FKBP6: variants seen among roughly 807,000 people sequenced by gnomAD.
FKBP6 encodes the protein FKBP prolyl isomerase family member 6 (inactive).
Under a neutral mutation model 41.7 loss-of-function variants are expected in FKBP6, and 29 were observed. The observed-to-expected ratio is 0.70, with a 90% CI of 0.52 to 0.95. FKBP6 has a LOEUF of 0.95. Ranked by LOEUF, FKBP6 falls within the 40% of genes least tolerant of loss-of-function variation. FKBP6 has a pLI of 0.00. For missense variants in FKBP6, 338 were observed against 408.7 expected (o/e 0.83, Z 1.49); for synonymous variants, 130 against 165.1 (o/e 0.79, Z 1.63).
At chr7:73,347,526 A>G (rs1025805913) in intron 8 of FKBP6, among the ~76,000 whole-genome samples, 3 of 152,244 alleles carry the variant, frequency 2.0e-5, no homozygotes, top group Non-Finnish European at 4.4e-5. Context: ...ACTTCCTGCT[A>G]TAATATAACT....
At chr7:73,333,714 G>A (rs1324829153) in intron 5 of FKBP6, among the ~76,000 whole-genome samples, 2 of 152,348 alleles carry the variant, frequency 1.3e-5, no homozygotes, top group East Asian at 3.9e-4. Context: ...TTTTAACAGA[G>A]TATGTTGATG....
chr7:73,342,925 C>G (rs1308817315), intron 8 of FKBP6, 26 bp downstream of exon 8: 5 of 1,505,956 alleles, frequency 3.3e-6, no homozygotes, highest in Non-Finnish European at 4.6e-6. Flanking sequence ...GGGTGGCACA[C>G]AGGCTTCCGG....
chr7:73,328,283 C>G lies in FKBP6; in HGVS notation c.-146C>G. 6.5e-7 allele frequency: 1 copy of G among 1,549,106 alleles called. No individual in the cohort carries two copies. Among genetic ancestry groups the G allele is most frequent in the Non-Finnish European group, 8.7e-7 (1 of 1,146,538 alleles). On this transcript the variant is annotated 5_prime_UTR_variant, in exon 1 of 9. Coordinates refer to ENST00000252037, the MANE Select transcript of FKBP6 (RefSeq NM_003602.5). Reference sequence around the variant, plus strand: ...GGTTGGAACGAAACGATGAGTGCCTCCTCGTGGCCCCAGAATGGAATGCCG... The same window carrying G: ...GGTTGGAACGAAACGATGAGTGCCTGCTCGTGGCCCCAGAATGGAATGCCG...
chr7:73,344,678 A>G (rs369686791), intron 8 of FKBP6, among the ~76,000 whole-genome samples: 10 of 152,034 alleles, frequency 6.6e-5, no homozygotes, highest in African/African-American at 2.2e-4. Context: ...TCTGCCTCCC[A>G]GATTCAAGTG....
At chr7:73,348,942 C>T (rs1290598593) in intron 8 of FKBP6, among the ~76,000 whole-genome samples, 1 of 150,704 alleles carries the variant, frequency 6.6e-6, no homozygotes, top group African/African-American at 2.4e-5. Flanking sequence ...CCTTCTCTAC[C>T]AAAAATGCCA....
intron 8 of FKBP6, among the ~76,000 whole-genome samples, chr7:73,353,983 C>A (rs1172666182): frequency 6.6e-6 from 1 of 152,032 alleles, no homozygotes; most frequent in Non-Finnish European, 1.5e-5. Flanking sequence ...GATCCTCCTG[C>A]CTTGGCCTCC....
At chr7:73,337,915 G>A (rs372580553) in intron 5 of FKBP6, among the ~76,000 whole-genome samples, 163 of 152,216 alleles carry the variant, frequency 1.1e-3, no homozygotes, top group African/African-American at 3.8e-3. Context: ...GCCTATTCAG[G>A]ACATATTTTG....
intron 7 of FKBP6, 66 bp from the exon 8 acceptor site, chr7:73,342,741 C>T: frequency 2.7e-6 from 3 of 1,102,162 alleles, no homozygotes; most frequent in Non-Finnish European, 4.2e-6. Flanking sequence ...TGGAGAATTC[C>T]AGCCACCAGA....
chr7:73,333,346 G>A (rs77197833), intron 5 of FKBP6, among the ~76,000 whole-genome samples: 2,347 of 151,548 alleles, frequency 0.015, 57 homozygotes, highest in African/African-American at 0.054. Flanking sequence ...AAATGTTGCC[G>A]ACCCTGTCAC....
chr7:73,352,812 C>T (rs1402965264), intron 8 of FKBP6, among the ~76,000 whole-genome samples: 1 of 152,088 alleles, frequency 6.6e-6, no homozygotes, highest in African/African-American at 2.4e-5. Context: ...TGTGAGGGCA[C>T]CCACAGCAGT....
chr7:73,357,815 T>A (rs1805676504), intron 8 of FKBP6, among the ~76,000 whole-genome samples: 1 of 151,536 alleles, frequency 6.6e-6, no homozygotes, highest in Non-Finnish European at 1.5e-5. Flanking sequence ...CGAAATCCTG[T>A]CTCTACTAAA....
At chr7:73,342,455 C>G (rs782451586) in intron 7 of FKBP6, among the ~76,000 whole-genome samples, 2 of 152,178 alleles carry the variant, frequency 1.3e-5, no homozygotes, top group East Asian at 3.8e-4. Context: ...TTAAAAGTAT[C>G]CTGTCAGATC....
chr7:73,330,109 A>G (rs781849175), intron 3 of FKBP6, 41 bp from the exon 4 acceptor site: 27 of 1,483,616 alleles, frequency 1.8e-5, no homozygotes, highest in Non-Finnish European at 2.4e-5. Context: ...TGAGCAGGAT[A>G]CTGAGCAAGC....
chr7:73,330,499 C>T (rs1340946114), intron 4 of FKBP6, 147 bp downstream of exon 4: 46 of 695,172 alleles, frequency 6.6e-5, no homozygotes, highest in Non-Finnish European at 1.1e-4. Flanking sequence ...CGGAGTTCCT[C>T]TGCTTCCTAG....
intron 8 of FKBP6, among the ~76,000 whole-genome samples, chr7:73,353,694 T>C (rs1202542840): frequency 2.0e-5 from 3 of 152,210 alleles, no homozygotes; most frequent in African/African-American, 7.2e-5. Flanking sequence ...TTTATTTCTC[T>C]GATTTACATT....
At chr7:73,334,630 A>G (rs974206752) in intron 5 of FKBP6, among the ~76,000 whole-genome samples, 3 of 152,144 alleles carry the variant, frequency 2.0e-5, no homozygotes, top group African/African-American at 7.2e-5. Flanking sequence ...CAAAAAATAA[A>G]TTTTAGAAAA....
rs1554546731 is a variant in FKBP6 at position 73,328,494 on chromosome 7, C to T, written c.57+9C>T. 6.4e-7 allele frequency: 1 copy of T among 1,557,706 alleles called. No individual in the cohort carries two copies. Among genetic ancestry groups the T allele is most frequent in the Non-Finnish European group, 8.7e-7 (1 of 1,149,774 alleles). On this transcript the variant is annotated intron_variant, in intron 1 of 8. Coordinates refer to ENST00000252037, the MANE Select transcript of FKBP6 (RefSeq NM_003602.5). ...ACGACGCCCCCGGCCAGGTGAGGGC[C>T]CAGACGTTTCGGGGGCGTAGACGCT...
At chr7:73,337,444 A>G (rs186230020) in intron 5 of FKBP6, among the ~76,000 whole-genome samples, 20 of 151,028 alleles carry the variant, frequency 1.3e-4, no homozygotes, top group African/African-American at 4.9e-4. Context: ...CCTCCCAAGT[A>G]GCTGAGATTA....
chr7:73,349,106 A>G (rs1041859379), intron 8 of FKBP6, among the ~76,000 whole-genome samples: 6 of 150,720 alleles, frequency 4.0e-5, no homozygotes, highest in African/African-American at 1.5e-4. Context: ...CCCTGTCCCA[A>G]AAAAAAAAAT....
Sources: allele counts gnomAD v4.1 joint callset (sites outside exome capture counted in the v4.1 genomes callset), GRCh38; gene constraint gnomAD v4.1.1; transcripts MANE v1.5; gene names NCBI Gene and HGNC (gene_info 2026-07-23, HGNC 2026-07-21).